Variants in TANC2 observed in about 807,000 individuals in gnomAD.
TANC2 encodes tetratricopeptide repeat, ankyrin repeat and coiled-coil containing 2, also known as protein TANC2.
In TANC2, 26 loss-of-function variants were observed where a neutral mutation model predicts 210.5. The observed-to-expected ratio is 0.12, with a 90% CI of 0.09 to 0.17. TANC2 has a LOEUF of 0.17. Ranked by LOEUF, TANC2 falls within the 10% of genes least tolerant of loss-of-function variation. The pLI, the probability that TANC2 is intolerant of heterozygous loss-of-function variation, is 1.00. For missense variants in TANC2, 2,129 were observed against 2,608.9 expected (o/e 0.82, Z 4.01); for synonymous variants, 931 against 967.1 (o/e 0.96, Z 0.69).
At chr17:63,088,132 C>A in intron 3 of TANC2, 1 of 152,076 alleles carries the variant, frequency 6.6e-6, no homozygotes, top group East Asian at 1.9e-4. Flanking sequence ...TATGTCCTTA[C>A]TGATTTTTTT....
Position 63,361,353 on chromosome 17 carries a change from G to A in TANC2, c.2582+5963G>A, listed in dbSNP as rs112689500. Among the ~76,000 whole-genome samples, 1,113 of 152,302 alleles carry A rather than the reference G, an allele frequency of 7.3e-3. 13 individuals are homozygous for A. Among genetic ancestry groups the A allele is most frequent in the African/African-American group, 0.024 (1,011 of 41,556 alleles). ...TGGCCCAGATCCCACACCTCCCAAG[G>A]GTGAGCCAGGCACAGAACAGTGAGC... On this transcript the variant is annotated intron_variant, in intron 14 of 27. Transcript: ENST00000689528.
At chr17:63,414,626 A>G (rs1011995725) in intron 25 of TANC2, among the ~76,000 whole-genome samples, 1 of 152,180 alleles carries the variant, frequency 6.6e-6, no homozygotes, top group African/African-American at 2.4e-5. Flanking sequence ...ATGCAGTGCC[A>G]TTATTGTTCC....
chr17:63,324,896 A>G (rs2045598286), intron 11 of TANC2, among the ~76,000 whole-genome samples: 1 of 151,968 alleles, frequency 6.6e-6, no homozygotes, highest in Non-Finnish European at 1.5e-5. Context: ...TGTACTGAGT[A>G]ATCTTTCTAA....
intron 8 of TANC2, among the ~76,000 whole-genome samples, chr17:63,262,156 C>T (rs993514764): frequency 4.6e-5 from 7 of 152,058 alleles, no homozygotes; most frequent in Non-Finnish European, 1.0e-4. Flanking sequence ...CTGCTATAGT[C>T]GTCATTTCTG....
Position 63,420,518 on chromosome 17 carries a change from A to T in TANC2, c.4788A>T (p.Gly1596=). The change falls in exon 28 of 28, where the codon GGA becomes GGT. Residue 1596 remains glycine (G), a synonymous_variant. Coordinates refer to ENST00000689528, the Ensembl canonical transcript of TANC2. This position sits in a 1 kb window ranked among gnomAD's most constrained non-coding sequence, Gnocchi z 4.2. ...ACACTTCCCCGGCTCATCAGGGAGG[A>T]TCTTACCGTTTCAGCCCCCCTCCTG... The T allele has an allele frequency of 1.2e-6, 2 of 1,613,828 alleles. No homozygotes were observed. The highest frequency in any genetic ancestry group is 1.7e-6 in the Non-Finnish European group (2 of 1,179,824).
At chr17:63,298,399 C>T (rs1237404895) in intron 9 of TANC2, among the ~76,000 whole-genome samples, 1 of 152,134 alleles carries the variant, frequency 6.6e-6, no homozygotes, top group Non-Finnish European at 1.5e-5. Flanking sequence ...CAAGCTACAA[C>T]ATGAATGAAC....
chr17:63,107,898 T>G (rs78531173), intron 4 of TANC2, among the ~76,000 whole-genome samples: 4,555 of 151,816 alleles, frequency 0.03, 158 homozygotes, highest in African/African-American at 0.038. Context: ...ACTTAGATTA[T>G]GCTGACAATT....
intron 3 of TANC2, among the ~76,000 whole-genome samples, chr17:63,079,568 T>G (rs948092057): frequency 4.6e-5 from 7 of 152,218 alleles, no homozygotes; most frequent in Admixed American, 3.3e-4. Context: ...AAAATTAGTA[T>G]GCATGAACAT....
chr17:63,125,433 T>A (rs2038671652), intron 4 of TANC2, among the ~76,000 whole-genome samples: 1 of 152,124 alleles, frequency 6.6e-6, no homozygotes, highest in Admixed American at 6.5e-5. Context: ...GGGAAGCCGT[T>A]TTTTACCTTT....
At chr17:63,229,324 G>T (rs2042409155) in intron 7 of TANC2, among the ~76,000 whole-genome samples, 1 of 152,156 alleles carries the variant, frequency 6.6e-6, no homozygotes, top group African/African-American at 2.4e-5. Context: ...GGATTGGTTT[G>T]CCAGTATTTT....
intron 7 of TANC2, among the ~76,000 whole-genome samples, chr17:63,205,918 A>G (rs1007780945): frequency 1.3e-5 from 2 of 152,160 alleles, no homozygotes; most frequent in Non-Finnish European, 2.9e-5. Context: ...AAAAAGAAAA[A>G]AAAGCAAAAA....
At chr17:63,255,990 CTT>C (rs769816546) in intron 8 of TANC2, among the ~76,000 whole-genome samples, 1 of 145,972 alleles carries the variant, frequency 6.9e-6, no homozygotes, top group African/African-American at 2.5e-5. Context: ...ATTGCAACCT[CTT>C]TCCCCCAGGT....
intron 9 of TANC2, among the ~76,000 whole-genome samples, chr17:63,276,268 C>G (rs951130383): frequency 6.6e-6 from 1 of 151,892 alleles, no homozygotes; most frequent in African/African-American, 2.4e-5. Context: ...ATTAAAATAC[C>G]CAGTTTTTAT....
At chr17:63,095,583 A>G (rs2037356982) in intron 3 of TANC2, among the ~76,000 whole-genome samples, 1 of 152,124 alleles carries the variant, frequency 6.6e-6, no homozygotes, top group Non-Finnish European at 1.5e-5. Context: ...GACTGGGCCC[A>G]ATATTGAAGA....
intron 1 of TANC2, among the ~76,000 whole-genome samples, chr17:62,996,994 T>TTTTTTTTTTTTTTTTTTTTTTG (rs2033144497): frequency 7.0e-6 from 1 of 143,660 alleles, no homozygotes; most frequent in East Asian, 1.9e-4. Flanking sequence ...TTTGTATTTT[T>TTTTTTTTTTTTTTTTTTTTTTG]AGTATAGATG....
intron 3 of TANC2, among the ~76,000 whole-genome samples, chr17:63,097,858 A>G (rs377345179): frequency 7.2e-5 from 11 of 151,986 alleles, no homozygotes; most frequent in African/African-American, 7.2e-5. Context: ...CTAAGAATCT[A>G]TTTCCATTCT....
At chr17:63,010,792 C>G (rs1484084731) in intron 2 of TANC2, among the ~76,000 whole-genome samples, 1 of 152,090 alleles carries the variant, frequency 6.6e-6, no homozygotes, top group African/African-American at 2.4e-5. Context: ...GAATACAGTT[C>G]AGGAACAGTG....
At chr17:63,235,914 T>C (rs1216249298) in intron 7 of TANC2, among the ~76,000 whole-genome samples, 5 of 152,074 alleles carry the variant, frequency 3.3e-5, no homozygotes, top group African/African-American at 1.2e-4. Context: ...TCTATTTGTG[T>C]ATAATTAGTA....
chr17:63,084,763 A>C (rs957081397), intron 3 of TANC2, among the ~76,000 whole-genome samples: 1 of 152,086 alleles, frequency 6.6e-6, no homozygotes, highest in East Asian at 1.9e-4. Flanking sequence ...TGTGTTTACT[A>C]TCCAAGTATT....
Sources: allele counts gnomAD v4.1 joint callset (sites outside exome capture counted in the v4.1 genomes callset), GRCh38; gene constraint gnomAD v4.1.1; non-coding constraint Gnocchi (gnomAD v3.1); transcripts MANE v1.5; gene names NCBI Gene and HGNC (gene_info 2026-07-23, HGNC 2026-07-21).